Variants in KCNK3 observed in about 807,000 individuals in gnomAD.
KCNK3 encodes the protein potassium channel subfamily K member 3.
In KCNK3, 9 loss-of-function variants were observed where a neutral mutation model predicts 27.3. The observed-to-expected ratio is 0.33, with a 90% confidence interval of 0.20 to 0.57. The LOEUF (loss-of-function observed/expected upper bound fraction) is 0.57, where lower values mean the gene tolerates loss of function less well. Among genes scored for constraint, KCNK3 ranks in the 20% least tolerant of loss-of-function variants. KCNK3 has a pLI of 0.87. For synonymous variants in KCNK3, 278 were observed against 273.8 expected (o/e 1.02, Z -0.15); for missense variants, 391 against 577.7 (o/e 0.68, Z 3.31).
intron 1 of KCNK3, among the ~76,000 whole-genome samples, chr2:26,694,971 G>T (rs1471110116): frequency 1.3e-5 from 2 of 152,096 alleles, no homozygotes; most frequent in Admixed American, 1.3e-4. Context: ...CTGCCAGAAA[G>T]AAAAACTCAG....
chr2:26,705,385 G>A (rs966410530), intron 1 of KCNK3, among the ~76,000 whole-genome samples: 4 of 152,148 alleles, frequency 2.6e-5, no homozygotes, highest in African/African-American at 7.2e-5. Flanking sequence ...CTCGGTCATC[G>A]AGTGTCTCTG....
intron 1 of KCNK3, among the ~76,000 whole-genome samples, chr2:26,711,630 C>T (rs1572608093): frequency 1.3e-5 from 2 of 152,114 alleles, no homozygotes; most frequent in African/African-American, 2.4e-5. Flanking sequence ...TCTGTGGCTC[C>T]GTTACTGCAT....
At chr2:26,706,417 T>C (rs1670374055) in intron 1 of KCNK3, among the ~76,000 whole-genome samples, 1 of 151,968 alleles carries the variant, frequency 6.6e-6, no homozygotes, top group Non-Finnish European at 1.5e-5. Context: ...GGGAAGGTGG[T>C]CAGCCCAGGG....
chr2:26,699,207 G>GAAAGAAAGAA (rs71399402), intron 1 of KCNK3, among the ~76,000 whole-genome samples: 2 of 130,964 alleles, frequency 1.5e-5, no homozygotes, highest in South Asian at 2.6e-4. Flanking sequence ...AGGAAAGAGA[G>GAAAGAAAGAA]AGAAAGAAAG....
intron 1 of KCNK3, among the ~76,000 whole-genome samples, chr2:26,726,112 G>GAGAT (rs1425853481): frequency 2.6e-5 from 2 of 75,686 alleles, no homozygotes; most frequent in Non-Finnish European, 4.7e-5. Context: ...CACACAGAGA[G>GAGAT]AGAGAGAGAG....
At chr2:26,725,623 C>T (rs781231516) in intron 1 of KCNK3, among the ~76,000 whole-genome samples, 4 of 152,212 alleles carry the variant, frequency 2.6e-5, no homozygotes, top group Non-Finnish European at 1.5e-5. Flanking sequence ...GCCCAGCTGG[C>T]GGGCACAATC....
chr2:26,718,761 A>T (rs181785105), intron 1 of KCNK3, among the ~76,000 whole-genome samples: 1 of 147,198 alleles, frequency 6.8e-6, no homozygotes, highest in East Asian at 2.0e-4. Flanking sequence ...AGCACAAGCC[A>T]CCATGCCTAG....
chr2:26,720,023 G>A (rs976001621), intron 1 of KCNK3, among the ~76,000 whole-genome samples: 2 of 152,164 alleles, frequency 1.3e-5, no homozygotes, highest in African/African-American at 2.4e-5. Flanking sequence ...AGCACTTTGG[G>A]AGGCCGAGGC....
chr2:26,725,126 T>A (rs570959075), intron 1 of KCNK3, among the ~76,000 whole-genome samples: 1 of 152,112 alleles, frequency 6.6e-6, no homozygotes, highest in East Asian at 1.9e-4. Context: ...GGAGCAGTGG[T>A]GGCAGAGAGG....
chr2:26,718,940 C>T (rs1355929119), intron 1 of KCNK3, among the ~76,000 whole-genome samples: 1 of 152,126 alleles, frequency 6.6e-6, no homozygotes. Context: ...AGCGTGGGAT[C>T]CCACAATATA....
chr2:26,714,253 G>C (rs533125685), intron 1 of KCNK3, among the ~76,000 whole-genome samples: 1 of 151,762 alleles, frequency 6.6e-6, no homozygotes, highest in African/African-American at 2.4e-5. Flanking sequence ...GGCAGTGTGG[G>C]TGGAGGGGAA....
At chr2:26,715,439 C>A (rs1354574418) in intron 1 of KCNK3, among the ~76,000 whole-genome samples, 1 of 152,226 alleles carries the variant, frequency 6.6e-6, no homozygotes, top group Non-Finnish European at 1.5e-5. Context: ...CCCTCGATAG[C>A]CTCTGCGTAC....
At chr2:26,706,532 C>G (rs1412626264) in intron 1 of KCNK3, among the ~76,000 whole-genome samples, 1 of 152,166 alleles carries the variant, frequency 6.6e-6, no homozygotes, top group Non-Finnish European at 1.5e-5. Flanking sequence ...GCATGAGGGT[C>G]AGGCAAAGTA....
chr2:26,714,289 G>A (rs187674119), intron 1 of KCNK3, among the ~76,000 whole-genome samples: 2 of 151,358 alleles, frequency 1.3e-5, no homozygotes, highest in African/African-American at 4.8e-5. Context: ...TCAAGAGGCT[G>A]GGGTCCCAGG....
intron 1 of KCNK3, among the ~76,000 whole-genome samples, chr2:26,717,562 G>A (rs568202318): frequency 2.0e-5 from 3 of 152,348 alleles, no homozygotes; most frequent in South Asian, 2.1e-4. Context: ...TCAATGCCAG[G>A]CTGTTCCTGG....
chr2:26,701,872 G>A (rs796537909), intron 1 of KCNK3, among the ~76,000 whole-genome samples: 5 of 152,220 alleles, frequency 3.3e-5, no homozygotes, highest in African/African-American at 7.2e-5. Flanking sequence ...CCCAGGAGGC[G>A]GAGATTGCAG....
At chr2:26,702,094 A>G (rs1347627316) in intron 1 of KCNK3, among the ~76,000 whole-genome samples, 1 of 152,044 alleles carries the variant, frequency 6.6e-6, no homozygotes, top group Non-Finnish European at 1.5e-5. Context: ...ATTTTTCCTG[A>G]TCCTCTCTCT....
chr2:26,713,270 G>A (rs1663158978), intron 1 of KCNK3, among the ~76,000 whole-genome samples: 1 of 152,218 alleles, frequency 6.6e-6, no homozygotes, highest in African/African-American at 2.4e-5. Flanking sequence ...CGACTCCAGT[G>A]ACTCTGCAGC....
intron 1 of KCNK3, among the ~76,000 whole-genome samples, chr2:26,702,740 A>C (rs1284095591): frequency 6.6e-6 from 1 of 152,148 alleles, no homozygotes; most frequent in Non-Finnish European, 1.5e-5. Context: ...ATACATATTA[A>C]GAGATGTGTT....
Sources: allele counts gnomAD v4.1 joint callset (sites outside exome capture counted in the v4.1 genomes callset), GRCh38; gene constraint gnomAD v4.1.1; transcripts MANE v1.5; gene names NCBI Gene and HGNC (gene_info 2026-07-23, HGNC 2026-07-21).